WWOX: variants seen among roughly 807,000 people sequenced by gnomAD.
WWOX encodes the protein WW domain-containing oxidoreductase.
WWOX carries 69 observed loss-of-function variants against 46.2 expected under a neutral mutation model. The ratio of observed to expected loss-of-function variants is 1.49; its 90% CI spans 1.23 to 1.82. The LOEUF is 1.82. Among genes scored for constraint, WWOX ranks in the 40% most tolerant of loss-of-function variants. The pLI is 0.00. For synonymous variants in WWOX, 359 were observed against 202.6 expected, an observed-to-expected ratio of 1.77 and a Z score of -6.56; for missense variants, 919 against 542.6, an observed-to-expected ratio of 1.69 and a Z score of -6.89.
At position 78,178,477 on chromosome 16, in the gene WWOX, C is replaced by T. The variant is rs546151118; in HGVS notation, c.516+14188C>T. ...CCATCTGGAACCTTCTGGATTCTTCCTCTTATGGGTAGTGATGGGCACTTT... is the reference window on the plus strand; with the variant it reads ...CCATCTGGAACCTTCTGGATTCTTCTTCTTATGGGTAGTGATGGGCACTTT... On this transcript the variant is annotated intron_variant, in intron 5 of 8. Coordinates refer to ENST00000566780, the MANE Select transcript of WWOX (RefSeq NM_016373.4). Among the ~76,000 whole-genome samples the T allele has an allele frequency of 8.5e-5, 13 of 152,296 alleles. No individual in the cohort carries two copies. The South Asian group carries it at 2.7e-3, about 32-fold the overall frequency.
intron 8 of WWOX, among the ~76,000 whole-genome samples, chr16:79,073,293 C>A (rs1013871233): frequency 2.0e-5 from 3 of 151,954 alleles, no homozygotes; most frequent in Non-Finnish European, 2.9e-5. Context: ...GGTTCTTCTG[C>A]CTCAGCTTCC....
At chr16:78,136,615 A>G (rs931219877) in intron 4 of WWOX, among the ~76,000 whole-genome samples, 1 of 152,240 alleles carries the variant, frequency 6.6e-6, no homozygotes, top group Non-Finnish European at 1.5e-5. Context: ...TGAGGAACGT[A>G]GAGCTTTTTA....
chr16:78,877,208 C>T (rs2044251029), intron 8 of WWOX, among the ~76,000 whole-genome samples: 2 of 152,136 alleles, frequency 1.3e-5, no homozygotes. Context: ...ACTTTATATC[C>T]CATTTCAGGC....
At chr16:78,747,742 C>T (rs112540194) in intron 8 of WWOX, among the ~76,000 whole-genome samples, 198 of 152,326 alleles carry the variant, frequency 1.3e-3, no homozygotes, top group East Asian at 2.9e-3. Context: ...AGCCCATGAG[C>T]TTATCCAGCC....
chr16:78,387,025 A>T, intron 6 of WWOX, 77 bp downstream of exon 6: 3 of 1,422,282 alleles, frequency 2.1e-6, no homozygotes, highest in Non-Finnish European at 3.0e-6. Flanking sequence ...CACAATTGGG[A>T]GAATGCAAGG....
At chr16:78,794,624 C>T (rs1264248683) in intron 8 of WWOX, among the ~76,000 whole-genome samples, 1 of 152,216 alleles carries the variant, frequency 6.6e-6, no homozygotes, top group Non-Finnish European at 1.5e-5. Flanking sequence ...ATGTGGTCAG[C>T]ACAATGGCTG....
Position 78,884,710 on chromosome 16 carries a change from A to G in WWOX, c.1057-326898A>G, listed in dbSNP as rs562300531. On this transcript the variant is annotated intron_variant, in intron 8 of 8. Coordinates refer to ENST00000566780, the MANE Select transcript of WWOX (RefSeq NM_016373.4). ...ATGAAGTGTCCTCCGTCATGTTGCT[A>G]ATGTTCTGTTGCTTGTTCAAGCTAC... 1.3e-3 allele frequency among the ~76,000 whole-genome samples: 195 copies of G among 152,292 alleles called. 4 individuals carry two copies. The highest frequency in any genetic ancestry group is 1.7e-3 in the East Asian group (9 of 5,186).
chr16:78,351,747 C>G (rs1249838737), intron 5 of WWOX, among the ~76,000 whole-genome samples: 1 of 152,162 alleles, frequency 6.6e-6, no homozygotes, highest in Admixed American at 6.5e-5. Context: ...AACCCTGCCT[C>G]CCAGGTTCAA....
chr16:78,625,725 G>T (rs1003322255), intron 8 of WWOX, among the ~76,000 whole-genome samples: 2 of 139,272 alleles, frequency 1.4e-5, no homozygotes, highest in South Asian at 4.6e-4. Context: ...TAAAAGTAAT[G>T]CGGTTTTACT....
At chr16:79,038,396 A>G (rs1009961759) in intron 8 of WWOX, among the ~76,000 whole-genome samples, 2 of 152,184 alleles carry the variant, frequency 1.3e-5, no homozygotes, top group East Asian at 1.9e-4. Context: ...CTGTGAGTCT[A>G]ATTATGGAAA....
In WWOX at chr16:78,474,831, A is replaced by T. The variant is rs536872144; in HGVS notation, c.1056+42079A>T. On this transcript the variant is annotated intron_variant, in intron 8 of 8. Coordinates refer to ENST00000566780, the MANE Select transcript of WWOX (RefSeq NM_016373.4). ...CATTTCTCATTAATGGGCTCACACG[A>T]TATGTGGTTCTTTGTGAGTGGTCCT... Among the ~76,000 whole-genome samples the T allele has an allele frequency of 1.9e-3, 287 of 152,214 alleles. 2 individuals carry two copies. Among genetic ancestry groups the T allele is most frequent in the African/African-American group, 6.8e-3 (281 of 41,524 alleles).
intron 8 of WWOX, among the ~76,000 whole-genome samples, chr16:78,465,511 T>G (rs1185453480): frequency 6.6e-6 from 1 of 152,200 alleles, no homozygotes; most frequent in Non-Finnish European, 1.5e-5. Context: ...ACTGTCTGTT[T>G]TATCACATGA....
rs114868535 is a variant in WWOX at position 78,951,973 on chromosome 16, A to T, written c.1057-259635A>T. On this transcript the variant is annotated intron_variant, in intron 8 of 8. Coordinates refer to ENST00000566780, the MANE Select transcript of WWOX (RefSeq NM_016373.4). ...AGCAAAGTGATCTTTTTGAGACCCA[A>T]ATGTGAGTATGCCATTCTAATCTTC... is the stretch of plus-strand genomic sequence containing the variant. 6.3e-4 allele frequency among the ~76,000 whole-genome samples: 96 copies of T among 152,282 alleles called. 1 individual carries two copies. Among genetic ancestry groups the T allele is most frequent in the Middle Eastern group, 3.4e-3 (1 of 294 alleles).
chr16:79,153,081 C>T (rs967647889), intron 8 of WWOX, among the ~76,000 whole-genome samples: 1 of 152,118 alleles, frequency 6.6e-6, no homozygotes, highest in South Asian at 2.1e-4. Context: ...AAGCACAGGG[C>T]AGGAAAATCC....
At chr16:78,398,781 T>C (rs1374687713) in intron 6 of WWOX, among the ~76,000 whole-genome samples, 34 of 152,242 alleles carry the variant, frequency 2.2e-4, no homozygotes, top group Admixed American at 2.2e-3. Context: ...GAAAGGATAC[T>C]AACACCACTC....
chr16:78,776,454 G>A (rs1051798275), intron 8 of WWOX, among the ~76,000 whole-genome samples: 7 of 152,024 alleles, frequency 4.6e-5, no homozygotes, highest in Non-Finnish European at 8.8e-5. Context: ...GGATTCCAGT[G>A]GTTATTATGA....
intron 8 of WWOX, chr16:78,825,500 G>C (rs1567586407): frequency 4.1e-6 from 2 of 484,368 alleles, no homozygotes; most frequent in Admixed American, 2.1e-5. Context: ...CTGTAGTTCA[G>C]AAGAGATTTG....
intron 8 of WWOX, among the ~76,000 whole-genome samples, chr16:78,678,599 G>A (rs554579151): frequency 6.6e-6 from 1 of 152,262 alleles, no homozygotes; most frequent in African/African-American, 2.4e-5. Context: ...ACTACAATAG[G>A]CATAGGTACA....
chr16:78,155,707 C>G (rs2034574908), intron 4 of WWOX, among the ~76,000 whole-genome samples: 1 of 152,176 alleles, frequency 6.6e-6, no homozygotes, highest in Non-Finnish European at 1.5e-5. Flanking sequence ...TAAGATGAAT[C>G]AGGTTATTAA....
Sources: gnomAD v4.1 joint callset for allele counts (sites outside exome capture counted in the v4.1 genomes callset) on GRCh38, gnomAD v4.1.1 for gene constraint, MANE v1.5 for transcripts, NCBI Gene and HGNC (gene_info 2026-07-23, HGNC 2026-07-21) for gene names.